Variants in DEPDC1B observed in about 807,000 individuals in gnomAD.
DEPDC1B encodes DEP domain containing 1B, also known as DEP domain-containing protein 1B.
In DEPDC1B, 51 loss-of-function variants were observed where a neutral mutation model predicts 66.5. The ratio of observed to expected loss-of-function variants is 0.77; its 90% CI spans 0.61 to 0.97. The LOEUF (loss-of-function observed/expected upper bound fraction) is 0.97. Ranked by LOEUF, DEPDC1B falls within the 50% of genes least tolerant of loss-of-function variation. The pLI is 0.00. For missense variants in DEPDC1B, 552 were observed against 637.1 expected (o/e 0.87, Z 1.44); for synonymous variants, 226 against 223.6 (o/e 1.01, Z -0.10).
intron 7 of DEPDC1B, among the ~76,000 whole-genome samples, chr5:60,638,456 C>T (rs1294113669): frequency 6.6e-6 from 1 of 152,168 alleles, no homozygotes; most frequent in Non-Finnish European, 1.5e-5. Flanking sequence ...AACTTACATT[C>T]TCCTCTGCCA....
intron 2 of DEPDC1B, among the ~76,000 whole-genome samples, chr5:60,652,021 G>C (rs1253799374): frequency 7.6e-6 from 1 of 131,974 alleles, no homozygotes; most frequent in African/African-American, 3.3e-5. Flanking sequence ...CACAGGATGG[G>C]AAACAAAGCC....
intron 1 of DEPDC1B, 133 bp from the exon 2 acceptor site, chr5:60,687,360 GT>G: frequency 8.7e-7 from 1 of 1,148,086 alleles, no homozygotes; most frequent in Non-Finnish European, 1.2e-6. Flanking sequence ...CCTTGAAAAT[GT>G]TTTATTTACA....
Position 60,597,721 on chromosome 5 carries a change from G to T in DEPDC1B, c.*32C>A. On this transcript the variant is annotated 3_prime_UTR_variant, in exon 11 of 11. Coordinates refer to ENST00000265036, the MANE Select transcript of DEPDC1B (RefSeq NM_018369.3). ...ACCATTCACTCAAAACAACAACAGTGGTCTCTAGCACCTGTTGCTGTGGAA... is the reference window on the plus strand; with the variant it reads ...ACCATTCACTCAAAACAACAACAGTTGTCTCTAGCACCTGTTGCTGTGGAA... 1.3e-6 allele frequency: 2 copies of T among 1,592,250 alleles called. No individual in the cohort carries two copies. The highest frequency in any genetic ancestry group is 2.3e-5 in the South Asian group (2 of 86,580).
chr5:60,637,325 T>A (rs1406583790), intron 7 of DEPDC1B, among the ~76,000 whole-genome samples: 1 of 152,176 alleles, frequency 6.6e-6, no homozygotes, highest in African/African-American at 2.4e-5. Flanking sequence ...CAAGATCTAG[T>A]TATTTTAAAG....
intron 2 of DEPDC1B, among the ~76,000 whole-genome samples, chr5:60,666,675 G>A (rs566732927): frequency 1.8e-4 from 27 of 152,280 alleles, no homozygotes; most frequent in African/African-American, 6.0e-4. Context: ...GGGTAGCAGG[G>A]GAGTGAAGTG....
rs567766660 is a variant in DEPDC1B, at chr5:60,668,281, AT to A, written c.314+18680del. Among the ~76,000 whole-genome samples, 241 of 123,268 alleles carry A rather than the reference AT, an allele frequency of 2.0e-3. 11 individuals carry two copies. The highest frequency in any genetic ancestry group is 3.2e-3 in the Non-Finnish European group (190 of 58,818). The allele number at this position is 123,268 out of a possible 152,430, so 80.9% of individuals were successfully genotyped here. ...ATTATATATATATATATATATATGT[AT>A]TTTTTTTTTTGAGATGGAGTCTCGC... On this transcript the variant is annotated intron_variant, in intron 2 of 10. Coordinates refer to ENST00000265036, the MANE Select transcript of DEPDC1B (RefSeq NM_018369.3).
rs1355939214 is a variant in DEPDC1B at position 60,634,186 on chromosome 5, G to A, written c.898+4564C>T. On this transcript the variant is annotated intron_variant, in intron 7 of 10. Coordinates refer to ENST00000265036, the MANE Select transcript of DEPDC1B (RefSeq NM_018369.3). ...TAATCTGCCTAGACACCAAGCAAGG[G>A]CCAAGAAGGAGGAAACAGAAGCACT... is the stretch of plus-strand genomic sequence containing the variant. Among the ~76,000 whole-genome samples the A allele has an allele frequency of 3.3e-5, 5 of 152,176 alleles. No individual in the cohort carries two copies. In the East Asian group the frequency reaches 7.7e-4, roughly 23 times the overall value.
At chr5:60,669,909 AAT>A (rs1194458234) in intron 2 of DEPDC1B, among the ~76,000 whole-genome samples, 1 of 152,198 alleles carries the variant, frequency 6.6e-6, no homozygotes, top group Non-Finnish European at 1.5e-5. Context: ...ATGACTTAAA[AAT>A]ATATACATAT....
At position 60,676,229 on chromosome 5, in the gene DEPDC1B, CT is replaced by C. The variant is rs758172669; in HGVS notation, c.314+10732del. ...ACAGGCGTCAGCCACTGTGCCCGGC[CT>C]TTTTTTTTTTTTTCTTCTTTAAGAG... On this transcript the variant is annotated intron_variant, in intron 2 of 10. Transcript: ENST00000265036. 5.0e-3 allele frequency among the ~76,000 whole-genome samples: 540 copies of C among 106,954 alleles called. 3 individuals are homozygous for C. The highest frequency in any genetic ancestry group is 0.013 in the African/African-American group (444 of 35,450). 70.2% of individuals were successfully genotyped at this position (106,954 alleles called of 152,430 possible). A position where few individuals can be genotyped will look rare whatever the true frequency, so the allele number is the denominator to read the frequency against.
At chr5:60,681,451 A>G (rs1754293289) in intron 2 of DEPDC1B, among the ~76,000 whole-genome samples, 2 of 152,234 alleles carry the variant, frequency 1.3e-5, no homozygotes, top group African/African-American at 2.4e-5. Context: ...ACCCAAAATC[A>G]AAGGGAAGGC....
chr5:60,674,926 A>C (rs1002888598), intron 2 of DEPDC1B, among the ~76,000 whole-genome samples: 1 of 152,188 alleles, frequency 6.6e-6, no homozygotes, highest in Non-Finnish European at 1.5e-5. Flanking sequence ...AAGTGAGTTC[A>C]TGCTCCAGGA....
chr5:60,597,855 T>G lies in DEPDC1B; in HGVS notation c.1488A>C (p.Ala496=), dbSNP rs745442721. 13 of 1,613,322 alleles carry G rather than the reference T, an allele frequency of 8.1e-6. No individual in the cohort carries two copies. Among genetic ancestry groups the G allele is most frequent in the Non-Finnish European group, 1.0e-5 (12 of 1,179,600 alleles). Residue 496 remains alanine, a synonymous_variant, in exon 11 of 11, where the codon GCA becomes GCC. Transcript: ENST00000265036. ...GTTTGGGTTTTTCAGGAAACAGAAGTGCTGCACTTTCTGGTGTAGGAAATC... is the reference window on the plus strand; with the variant it reads ...GTTTGGGTTTTTCAGGAAACAGAAGGGCTGCACTTTCTGGTGTAGGAAATC... ...QERFPTPESA[A]LLFPEKPKPK...
chr5:60,620,351 C>T (rs1752673063), intron 7 of DEPDC1B, among the ~76,000 whole-genome samples: 1 of 152,130 alleles, frequency 6.6e-6, no homozygotes, highest in African/African-American at 2.4e-5. Flanking sequence ...AGTGAACAAG[C>T]AACCTACAGG....
intron 2 of DEPDC1B, among the ~76,000 whole-genome samples, chr5:60,664,521 T>C (rs1753793365): frequency 1.3e-5 from 2 of 152,208 alleles, no homozygotes; most frequent in South Asian, 4.1e-4. Flanking sequence ...GCCACATTTC[T>C]TCCAGACAAT....
In DEPDC1B at chr5:60,615,405, AG is replaced by A. The variant is rs1187877570; in HGVS notation, c.899-9550del. Among the ~76,000 whole-genome samples, 10 of 152,334 alleles carry A rather than the reference AG, an allele frequency of 6.6e-5. No individual in the cohort carries two copies. The East Asian group carries it at 1.9e-3, about 29-fold the overall frequency. ...GGAATTCCCTTTCCTAGTCAAAGAAAGGGGTGACAGACGGCACCTGGAAAAT... is the reference window on the plus strand; with the variant it reads ...GGAATTCCCTTTCCTAGTCAAAGAAAGGGTGACAGACGGCACCTGGAAAAT... On this transcript the variant is annotated intron_variant, in intron 7 of 10. Transcript: ENST00000265036.
At chr5:60,675,517 G>C (rs1209664786) in intron 2 of DEPDC1B, among the ~76,000 whole-genome samples, 1 of 152,078 alleles carries the variant, frequency 6.6e-6, no homozygotes, top group Non-Finnish European at 1.5e-5. Context: ...AACAGTTACA[G>C]TTACATTCCA....
In DEPDC1B at chr5:60,700,152, G is replaced by A. The variant is rs1754758124; in HGVS notation, c.-59C>T. On this transcript the variant is annotated 5_prime_UTR_variant, in exon 1 of 11. Coordinates refer to ENST00000265036, the MANE Select transcript of DEPDC1B (RefSeq NM_018369.3). ...GCGCTGATCCCCGCCAGCCGGAGGA[G>A]CAGCAGTTTGAATCCCAAGCCCGCG... 1 of 1,513,680 alleles carries A rather than the reference G, an allele frequency of 6.6e-7. No individual in the cohort carries two copies. Among genetic ancestry groups the A allele is most frequent in the Admixed American group, 2.1e-5 (1 of 47,660 alleles). The allele number at this position is 1,513,680 out of a possible 1,614,324, so 93.8% of individuals were successfully genotyped here. A position where few individuals can be genotyped will look rare whatever the true frequency, so the allele number is the denominator to read the frequency against.
intron 5 of DEPDC1B, among the ~76,000 whole-genome samples, chr5:60,643,364 AG>A (rs1753234867): frequency 6.6e-6 from 1 of 152,248 alleles, no homozygotes; most frequent in Admixed American, 6.5e-5. Context: ...TATTAATGTT[AG>A]GCTATTAGTA....
At chr5:60,650,019 A>C (rs762877397) in intron 2 of DEPDC1B, among the ~76,000 whole-genome samples, 6 of 152,020 alleles carry the variant, frequency 3.9e-5, no homozygotes, top group African/African-American at 7.2e-5. Context: ...AGAAAATTTA[A>C]TAAAAATATT....
Sources: gnomAD v4.1 joint callset for allele counts (sites outside exome capture counted in the v4.1 genomes callset) on GRCh38, gnomAD v4.1.1 for gene constraint, MANE v1.5 for transcripts, NCBI Gene and HGNC (gene_info 2026-07-23, HGNC 2026-07-21) for gene names.